The following GDPD4 variants were observed in gnomAD, a reference collection of about 807,000 sequenced individuals.
The protein encoded by GDPD4 is glycerophosphodiester phosphodiesterase domain containing 4.
GDPD4 carries 60 observed loss-of-function variants against 67.8 expected under a neutral mutation model. The ratio of observed to expected loss-of-function variants is 0.88; its 90% CI spans 0.72 to 1.10. The LOEUF is 1.10. Ranked by LOEUF, GDPD4 falls within the 50% of genes least tolerant of loss-of-function variation. The pLI is 0.00. For synonymous variants in GDPD4, 212 were observed against 210.9 expected (o/e 1.00, Z -0.04); for missense variants, 623 against 613.9 (o/e 1.01, Z -0.16).
At chr11:77,294,639 T>C (rs2135896886) in intron 1 of GDPD4, among the ~76,000 whole-genome samples, 1 of 152,188 alleles carries the variant, frequency 6.6e-6, no homozygotes, top group East Asian at 1.9e-4. Context: ...TAGAAATCAA[T>C]AAGCTGATTC....
intron 11 of GDPD4, 140 bp from the exon 12 acceptor site, chr11:77,245,642 G>C: frequency 1.6e-6 from 1 of 618,310 alleles, no homozygotes; most frequent in Non-Finnish European, 2.9e-6. Context: ...TAGAAAACAG[G>C]TGACAAGGAG....
intron 16 of GDPD4, among the ~76,000 whole-genome samples, chr11:77,220,356 CTT>C (rs1565502405): frequency 1.3e-5 from 2 of 148,190 alleles, no homozygotes; most frequent in Non-Finnish European, 3.0e-5. Context: ...ATAAATAGCT[CTT>C]ATTATTTTGA....
At chr11:77,297,063 A>C (rs1937995115) in intron 1 of GDPD4, among the ~76,000 whole-genome samples, 1 of 139,808 alleles carries the variant, frequency 7.2e-6, no homozygotes, top group Non-Finnish European at 1.5e-5. Context: ...AAAAAAACAA[A>C]AAAAAAAAAA....
In GDPD4 at chr11:77,276,173, G is replaced by A; in HGVS notation, c.195C>T (p.His65=). The A allele has an allele frequency of 6.2e-7, 1 of 1,613,140 alleles. No individual in the cohort carries two copies. The highest frequency in any genetic ancestry group is 8.5e-7 in the Non-Finnish European group (1 of 1,179,122). ...TCAGATGTCCTACCTTATGACACAA[G>A]TGCAGGTATAGTTCAATCCTTTCCC... ...LLWERIELYL[H]LCHKILILLV... The change falls in exon 5 of 17, where the codon CAC becomes CAT. Residue 65 remains histidine, a synonymous_variant. Transcript: ENST00000315938.
chr11:77,235,866 A>G (rs1958554157), intron 13 of GDPD4, among the ~76,000 whole-genome samples: 1 of 151,988 alleles, frequency 6.6e-6, no homozygotes, highest in African/African-American at 2.4e-5. Context: ...TGAGGCAGAA[A>G]GATGGCTTGA....
intron 3 of GDPD4, 123 bp from the exon 4 acceptor site, chr11:77,279,522 T>C (rs915875088): frequency 3.9e-6 from 2 of 511,404 alleles, no homozygotes; most frequent in Admixed American, 6.5e-5. Flanking sequence ...AAAGAAGCAG[T>C]GTGTGAACAG....
intron 11 of GDPD4, 136 bp downstream of exon 11, chr11:77,258,250 T>C (rs1959041686): frequency 7.5e-6 from 6 of 799,774 alleles, no homozygotes; most frequent in South Asian, 6.8e-5. Flanking sequence ...GCCAATACTA[T>C]AGTCCTGCTA....
intron 4 of GDPD4, among the ~76,000 whole-genome samples, chr11:77,278,736 T>C (rs1363894670): frequency 6.6e-6 from 1 of 152,182 alleles, no homozygotes; most frequent in African/African-American, 2.4e-5. Context: ...ATCCTCCCAT[T>C]TCCAGACTTT....
rs1217128860 is a variant in GDPD4 at position 77,271,165 on chromosome 11, G to T, written c.365C>A (p.Pro122His). 1 of 1,612,880 alleles carries T rather than the reference G, an allele frequency of 6.2e-7. No individual in the cohort carries two copies. Among genetic ancestry groups the T allele is most frequent in the South Asian group, 1.1e-5 (1 of 90,768 alleles). The change falls in exon 7 of 17, where the codon CCT becomes CAT. Residue 122 changes from proline to histidine, a missense_variant. Pro to His is a moderately conservative substitution (Grantham distance 77). Transcript: ENST00000315938. The stretch of plus-strand genomic sequence containing the variant: ...CAAACATGCCACGTAGAAGGCCACA[G>T]GCCAGAAAAGGATAACCATCACAGT... ...SITVMVILFW[P>H]VAFYVACLER... is the part of the protein sequence containing the mutation.
intron 11 of GDPD4, 120 bp from the exon 12 acceptor site, chr11:77,245,622 G>C: frequency 3.1e-6 from 2 of 641,246 alleles, no homozygotes; most frequent in South Asian, 3.9e-5. Flanking sequence ...GCCCTCTGAA[G>C]TACTAATCCT....
chr11:77,218,447 T>G (rs1185535317), intron 16 of GDPD4, among the ~76,000 whole-genome samples: 1 of 152,156 alleles, frequency 6.6e-6, no homozygotes, highest in East Asian at 1.9e-4. Flanking sequence ...TGTGCAGGTT[T>G]GTTACATATG....
At chr11:77,221,804 G>A (rs1453364514) in intron 16 of GDPD4, among the ~76,000 whole-genome samples, 29 of 151,994 alleles carry the variant, frequency 1.9e-4, no homozygotes, top group South Asian at 1.0e-3. Flanking sequence ...CTTCTGTCTC[G>A]TTGATCTGTC....
intron 1 of GDPD4, among the ~76,000 whole-genome samples, chr11:77,296,223 C>A (rs1207729789): frequency 1.5e-5 from 2 of 137,284 alleles, no homozygotes; most frequent in East Asian, 4.2e-4. Flanking sequence ...TGCACTCCAG[C>A]CTGCGGGACA....
At chr11:77,222,739 G>GTGGT (rs1958251727) in intron 16 of GDPD4, among the ~76,000 whole-genome samples, 1 of 152,122 alleles carries the variant, frequency 6.6e-6, no homozygotes, top group South Asian at 2.1e-4. Context: ...GAGTACCTTT[G>GTGGT]TGGTGGTCTC....
Position 77,276,231 on chromosome 11 carries a change from AAAG to A in GDPD4, c.148-14_148-12del, listed in dbSNP as rs1959461302. Reference sequence around the variant, plus strand: ...CAAAAATCCAAGTAACTGCAAAAGCAAAGAAGAAAAAGAGAGTTATTTTGAAAT... The same window carrying A: ...CAAAAATCCAAGTAACTGCAAAAGCAAAGAAAAAGAGAGTTATTTTGAAAT... On this transcript the variant is annotated splice_polypyrimidine_tract_variant and intron_variant, in intron 4 of 16. Coordinates refer to ENST00000315938, the MANE Select transcript of GDPD4 (RefSeq NM_182833.3). 1 of 1,609,642 alleles carries A rather than the reference AAAG, an allele frequency of 6.2e-7. No homozygotes were observed. The highest frequency in any genetic ancestry group is 1.3e-5 in the African/African-American group (1 of 74,854).
intron 13 of GDPD4, among the ~76,000 whole-genome samples, chr11:77,238,053 T>C (rs1565514372): frequency 6.6e-6 from 1 of 152,108 alleles, no homozygotes; most frequent in African/African-American, 2.4e-5. Flanking sequence ...CTGAAGTCAG[T>C]GTGAAAATTA....
At chr11:77,225,084 G>A (rs143872280) in intron 16 of GDPD4, among the ~76,000 whole-genome samples, 56 of 152,014 alleles carry the variant, frequency 3.7e-4, no homozygotes, top group East Asian at 9.7e-4. Flanking sequence ...AGACTTGGGC[G>A]AAAGAGTGAG....
intron 11 of GDPD4, among the ~76,000 whole-genome samples, chr11:77,258,173 CT>C (rs1435836950): frequency 6.6e-6 from 1 of 152,198 alleles, no homozygotes; most frequent in Non-Finnish European, 1.5e-5. Flanking sequence ...ACAAGTTTGT[CT>C]TCAGACTTTC....
At chr11:77,291,952 C>A (rs1394565075) in intron 1 of GDPD4, among the ~76,000 whole-genome samples, 3 of 152,180 alleles carry the variant, frequency 2.0e-5, no homozygotes, top group Non-Finnish European at 4.4e-5. Flanking sequence ...ATTGCTTGAA[C>A]CCAGGAGGTG....
Sources: gnomAD v4.1 joint callset for allele counts (sites outside exome capture counted in the v4.1 genomes callset) on GRCh38, gnomAD v4.1.1 for gene constraint, MANE v1.5 for transcripts, NCBI Gene and HGNC (gene_info 2026-07-23, HGNC 2026-07-21) for gene names.